The following RASSF8 variants were observed in gnomAD, a reference collection of about 807,000 sequenced individuals.
RASSF8 encodes the protein Ras association domain family member 8, also known as ras association domain-containing protein 8.
In RASSF8, 22 loss-of-function variants were observed where a neutral mutation model predicts 48.5. That is an observed-to-expected ratio of 0.45 (90% CI 0.32 to 0.65). RASSF8 has a LOEUF of 0.65. RASSF8 is among the 30% of genes least tolerant of loss of function. RASSF8 has a pLI of 0.03. For synonymous variants in RASSF8, 127 were observed against 171.5 expected (o/e 0.74, Z 2.03); for missense variants, 418 against 489.2 (o/e 0.85, Z 1.37).
chr12:26,044,110 C>T (rs1411906283), intron 2 of RASSF8, among the ~76,000 whole-genome samples: 1 of 152,226 alleles, frequency 6.6e-6, no homozygotes, highest in Non-Finnish European at 1.5e-5. Flanking sequence ...TCCCAGTCCT[C>T]TTCTATCTAA....
intron 3 of RASSF8, among the ~76,000 whole-genome samples, chr12:26,059,301 C>A (rs1943688157): frequency 6.6e-6 from 1 of 152,162 alleles, no homozygotes; most frequent in African/African-American, 2.4e-5. Context: ...ATCCACGGTA[C>A]TTTGATACTT....
rs1473983476 is a variant in RASSF8, at chr12:26,070,573, C to G, written c.*1755C>G. 2 of 975,314 alleles carry G rather than the reference C, an allele frequency of 2.1e-6. No homozygotes were observed. The highest frequency in any genetic ancestry group is 2.4e-6 in the Non-Finnish European group (2 of 820,972). 60.4% of individuals were successfully genotyped at this position (975,314 alleles called of 1,614,324 possible). A position where few individuals can be genotyped will look rare whatever the true frequency, so the allele number is the denominator to read the frequency against. The stretch of plus-strand genomic sequence containing the variant: ...ACCACAACCTGTACACATTTGCTCA[C>G]AATTTATAGTAGTTATTTTCTATCT... On this transcript the variant is annotated 3_prime_UTR_variant, in exon 6 of 6. Coordinates refer to ENST00000689635, the MANE Select transcript of RASSF8 (RefSeq NM_001394098.1).
rs866800965 is a variant in RASSF8, at chr12:25,981,637, T to C, written c.-202-13400T>C. On this transcript the variant is annotated intron_variant, in intron 1 of 5. Coordinates refer to ENST00000689635, the MANE Select transcript of RASSF8 (RefSeq NM_001394098.1). ...TCACCCTGCATAATGTTAATATGAT[T>C]TGTAGTTGCTGGTCCCTTTCTCATA... 7.9e-5 allele frequency among the ~76,000 whole-genome samples: 12 copies of C among 152,306 alleles called. No homozygotes were observed. In the Middle Eastern group the frequency reaches 0.01, roughly 130 times the overall value.
At chr12:25,969,252 G>A (rs139717456) in intron 1 of RASSF8, among the ~76,000 whole-genome samples, 19 of 152,268 alleles carry the variant, frequency 1.2e-4, no homozygotes, top group African/African-American at 1.9e-4. Context: ...CACAGACTCC[G>A]GAGCTGGCTA....
At chr12:26,014,157 C>T (rs1942591479) in intron 2 of RASSF8, among the ~76,000 whole-genome samples, 1 of 152,204 alleles carries the variant, frequency 6.6e-6, no homozygotes, top group South Asian at 2.1e-4. Context: ...AGTGGGTGCT[C>T]ACTCACTACA....
At position 25,966,382 on chromosome 12, in the gene RASSF8, T is replaced by C. The variant is rs1474650933; in HGVS notation, c.-203+7234T>C. Among the ~76,000 whole-genome samples, 5 of 152,286 alleles carry C rather than the reference T, an allele frequency of 3.3e-5. No homozygotes were observed. In the East Asian group the frequency reaches 9.6e-4, roughly 29 times the overall value. On this transcript the variant is annotated intron_variant, in intron 1 of 5. Coordinates refer to ENST00000689635, the MANE Select transcript of RASSF8 (RefSeq NM_001394098.1). The stretch of plus-strand genomic sequence containing the variant: ...CCATGCCCGGCTGTTTTTTAAAATA[T>C]TTTATTTTGTAGAGATGAGGTCTTG...
At chr12:25,966,056 G>T (rs1941352886) in intron 1 of RASSF8, among the ~76,000 whole-genome samples, 1 of 152,166 alleles carries the variant, frequency 6.6e-6, no homozygotes. Flanking sequence ...ACCCAGGAGT[G>T]GAATGGCTGG....
downstream of RASSF8, among the ~76,000 whole-genome samples, chr12:26,074,193 C>A: frequency 6.6e-6 from 1 of 152,186 alleles, no homozygotes; most frequent in East Asian, 1.9e-4. Context: ...ACCCTCTCCA[C>A]ATACGTGTGC....
In RASSF8 at chr12:25,997,461, G is replaced by A. The variant is rs369375682; in HGVS notation, c.-109+2331G>A. Among the ~76,000 whole-genome samples, 5 of 152,234 alleles carry A rather than the reference G, an allele frequency of 3.3e-5. No homozygotes were observed. In the East Asian group the frequency reaches 5.8e-4, roughly 18 times the overall value. ...CAATATTTTATATTTTAAAGGGTGT[G>A]TGTATGTGTGTGTGTGAGTGTATGT... On this transcript the variant is annotated intron_variant, in intron 2 of 5. Coordinates refer to ENST00000689635, the MANE Select transcript of RASSF8 (RefSeq NM_001394098.1).
intron 1 of RASSF8, among the ~76,000 whole-genome samples, chr12:25,977,823 C>T (rs1176257458): frequency 6.6e-6 from 1 of 152,146 alleles, no homozygotes; most frequent in African/African-American, 2.4e-5. Context: ...CATTAAGGAC[C>T]ACTGACACCA....
rs74979439 is a variant in RASSF8 at position 25,986,871 on chromosome 12, G to A, written c.-202-8166G>A. On this transcript the variant is annotated intron_variant, in intron 1 of 5. Transcript: ENST00000689635. Reference sequence around the variant, plus strand: ...TGGATTCGTACACACTGTCACTTGTGTATTGCTACCATTTTTTTTGTAACT... The same window carrying A: ...TGGATTCGTACACACTGTCACTTGTATATTGCTACCATTTTTTTTGTAACT... 6.0e-3 allele frequency among the ~76,000 whole-genome samples: 903 copies of A among 151,604 alleles called. 5 individuals carry two copies. Among genetic ancestry groups the A allele is most frequent in the African/African-American group, 0.021 (851 of 41,308 alleles).
chr12:25,978,382 A>T (rs1941659676), intron 1 of RASSF8, among the ~76,000 whole-genome samples: 1 of 152,242 alleles, frequency 6.6e-6, no homozygotes, highest in Admixed American at 6.5e-5. Flanking sequence ...AAACCGCCAC[A>T]TTCCCTCATT....
intron 1 of RASSF8, among the ~76,000 whole-genome samples, chr12:25,994,366 A>G (rs758815622): frequency 1.3e-4 from 20 of 152,214 alleles, no homozygotes; most frequent in Non-Finnish European, 2.9e-4. Context: ...TGTGAAGGGC[A>G]TAGTCTGAAT....
At chr12:26,035,775 G>T in intron 2 of RASSF8, among the ~76,000 whole-genome samples, 2 of 138,950 alleles carry the variant, frequency 1.4e-5, no homozygotes, top group African/African-American at 2.6e-5. Context: ...CTATATATCT[G>T]ATATATATGA....
At chr12:26,020,269 C>T (rs1942756646) in intron 2 of RASSF8, 1 of 152,112 alleles carries the variant, frequency 6.6e-6, no homozygotes, top group Non-Finnish European at 1.5e-5. Context: ...GGAAAGCTTT[C>T]TCTCCTGCAA....
At chr12:25,988,471 T>A (rs1941940713) in intron 1 of RASSF8, among the ~76,000 whole-genome samples, 1 of 152,160 alleles carries the variant, frequency 6.6e-6, no homozygotes, top group Non-Finnish European at 1.5e-5. Context: ...TTAGAAAAAT[T>A]TCCAGGGTGA....
chr12:26,069,455 T>C lies in RASSF8; in HGVS notation c.*637T>C. 1 of 985,470 alleles carries C rather than the reference T, an allele frequency of 1.0e-6. No homozygotes were observed. Among genetic ancestry groups the C allele is most frequent in the Non-Finnish European group, 1.2e-6 (1 of 829,922 alleles). The allele number at this position is 985,470 out of a possible 1,614,324, so 61.0% of individuals were successfully genotyped here. A position where few individuals can be genotyped will look rare whatever the true frequency, so the allele number is the denominator to read the frequency against. ...TTTAAATCTGGAATTTAGTCGTTCC[T>C]TTACAATATTTCCAAATATACGTGT... is the stretch of plus-strand genomic sequence containing the variant. On this transcript the variant is annotated 3_prime_UTR_variant, in exon 6 of 6. Coordinates refer to ENST00000689635, the MANE Select transcript of RASSF8 (RefSeq NM_001394098.1).
At chr12:26,073,792 T>TATA (rs1555171945), downstream of RASSF8, among the ~76,000 whole-genome samples, 2 of 139,696 alleles carry the variant, frequency 1.4e-5, no homozygotes, top group Non-Finnish European at 3.1e-5. Context: ...TATATACACA[T>TATA]TATGTATACA....
At chr12:25,958,644 G>C (rs1319630299), upstream of RASSF8, 1 of 143,162 alleles carries the variant, frequency 7.0e-6, no homozygotes, top group Non-Finnish European at 1.5e-5. Flanking sequence ...GCCCGGCCCG[G>C]CCCGGCCCGG....
Sources: gnomAD v4.1 joint callset for allele counts (sites outside exome capture counted in the v4.1 genomes callset) on GRCh38, gnomAD v4.1.1 for gene constraint, MANE v1.5 for transcripts, NCBI Gene and HGNC (gene_info 2026-07-23, HGNC 2026-07-21) for gene names.